FOXN2: variants seen among roughly 807,000 people sequenced by gnomAD.
The protein encoded by FOXN2 is forkhead box protein N2.
FOXN2 carries 19 observed loss-of-function variants against 41.2 expected under a neutral mutation model. The observed-to-expected ratio is 0.46, with a 90% confidence interval of 0.32 to 0.68. FOXN2 has a LOEUF of 0.68. Ranked by LOEUF, FOXN2 falls within the 30% of genes least tolerant of loss-of-function variation. FOXN2 has a pLI of 0.03. For synonymous variants in FOXN2, 195 were observed against 176.8 expected, an observed-to-expected ratio of 1.10 and a Z score of -0.82; for missense variants, 587 against 509.4, an observed-to-expected ratio of 1.15 and a Z score of -1.47.
chr2:48,345,299 A>G (rs1671022608), intron 2 of FOXN2, among the ~76,000 whole-genome samples: 1 of 152,172 alleles, frequency 6.6e-6, no homozygotes, highest in Non-Finnish European at 1.5e-5. Flanking sequence ...TTACGGAAGT[A>G]TAGAGTAGAA....
chr2:48,356,726 A>C (rs1256595083), intron 3 of FOXN2, among the ~76,000 whole-genome samples: 2 of 152,210 alleles, frequency 1.3e-5, no homozygotes, highest in Non-Finnish European at 2.9e-5. Flanking sequence ...GTTCATAAAA[A>C]CATTTTAGGA....
Position 48,346,638 on chromosome 2 carries a change from A to C in FOXN2, c.424A>C (p.Ile142Leu). The change falls in exon 3 of 7, where the codon ATT becomes CTT. Residue 142 changes from isoleucine (I) to leucine (L), a missense_variant. Ile to Leu is a conservative substitution (Grantham distance 5). Coordinates refer to ENST00000340553, the MANE Select transcript of FOXN2 (RefSeq NM_002158.4). ...GCCTGTCAAAGAAATTTATAGCTGG[A>C]TTCTGGACCATTTTCCATATTTTGC... ...CLPVKEIYSW[I>L]LDHFPYFATA... The C allele has an allele frequency of 6.2e-7, 1 of 1,614,164 alleles. No individual in the cohort carries two copies. The highest frequency in any genetic ancestry group is 8.5e-7 in the Non-Finnish European group (1 of 1,180,008).
chr2:48,320,419 T>G (rs1374642841), intron 1 of FOXN2, among the ~76,000 whole-genome samples: 1 of 151,998 alleles, frequency 6.6e-6, no homozygotes, highest in Non-Finnish European at 1.5e-5. Flanking sequence ...GCCTCCCGAA[T>G]AGCTAGGACT....
chr2:48,369,909 A>T (rs1672777660), intron 5 of FOXN2, among the ~76,000 whole-genome samples: 2 of 152,068 alleles, frequency 1.3e-5, no homozygotes, highest in Non-Finnish European at 2.9e-5. Context: ...CTAAGGTTGA[A>T]GGATCGTTTG....
At chr2:48,353,509 G>C (rs895832618) in intron 3 of FOXN2, among the ~76,000 whole-genome samples, 5 of 150,810 alleles carry the variant, frequency 3.3e-5, no homozygotes, top group African/African-American at 1.2e-4. Context: ...GAAGATATGA[G>C]AGCTCTCTGA....
chr2:48,375,099 T>C lies in FOXN2; in HGVS notation c.952T>C (p.Ser318Pro). ...SMAAQRCASR[S>P]SVSSLSSVDE... ...GGCAGCACAGCGTTGTGCATCCAGG[T>C]CTAGCGTGTCTTCCCTGTCTTCTGT... The change falls in exon 7 of 7, where the codon TCT (serine) becomes CCT (proline). Residue 318 changes from serine (S) to proline (P), a missense_variant. By Grantham distance (74) the Ser-to-Pro change is moderately conservative. Transcript: ENST00000340553. The C allele has an allele frequency of 6.2e-7, 1 of 1,614,076 alleles. No individual in the cohort carries two copies. Among genetic ancestry groups the C allele is most frequent in the South Asian group, 1.1e-5 (1 of 91,084 alleles).
At chr2:48,361,346 A>G (rs1212644617) in intron 4 of FOXN2, among the ~76,000 whole-genome samples, 2 of 151,518 alleles carry the variant, frequency 1.3e-5, no homozygotes, top group East Asian at 3.9e-4. Flanking sequence ...CGCGCCTGTA[A>G]CCCCAGCTAC....
At chr2:48,372,511 A>C (rs1672964867) in intron 5 of FOXN2, among the ~76,000 whole-genome samples, 1 of 152,154 alleles carries the variant, frequency 6.6e-6, no homozygotes, top group Non-Finnish European at 1.5e-5. Flanking sequence ...TCTAATTATT[A>C]ATGGTGTAAT....
rs1668768713 is a variant in FOXN2 at position 48,314,779 on chromosome 2, C to T, written c.-192C>T. 1 of 152,218 alleles carries T rather than the reference C, an allele frequency of 6.6e-6. No individual in the cohort carries two copies. The highest frequency in any genetic ancestry group is 6.5e-5 in the Admixed American group (1 of 15,278). The allele number at this position is 152,218 out of a possible 1,614,324, so 9.4% of individuals were successfully genotyped here. On this transcript the variant is annotated 5_prime_UTR_variant, in exon 1 of 7. Coordinates refer to ENST00000340553, the MANE Select transcript of FOXN2 (RefSeq NM_002158.4). ...GCGGTGCTCTGCCATATTGTGTCTT[C>T]CCCGGCCGGTCCCTCGCCTCCCGGC...
intron 3 of FOXN2, among the ~76,000 whole-genome samples, chr2:48,353,938 T>G (rs1671627583): frequency 6.6e-6 from 1 of 152,208 alleles, no homozygotes; most frequent in Non-Finnish European, 1.5e-5. Flanking sequence ...TTGTTTGCTA[T>G]TGTTTATGCA....
intron 2 of FOXN2, among the ~76,000 whole-genome samples, chr2:48,344,852 C>G (rs1263715734): frequency 1.5e-5 from 2 of 134,600 alleles, no homozygotes; most frequent in African/African-American, 2.8e-5. Flanking sequence ...CCCCCCCCCC[C>G]AATTATTTCA....
intron 6 of FOXN2, 130 bp from the exon 7 acceptor site, chr2:48,374,790 A>C (rs552113382): frequency 1.0e-4 from 83 of 791,874 alleles, no homozygotes; most frequent in African/African-American, 7.1e-4. Flanking sequence ...GGGTAAAAAA[A>C]AATAAAAAAT....
At chr2:48,337,598 G>T (rs1011494608) in intron 2 of FOXN2, among the ~76,000 whole-genome samples, 4 of 152,094 alleles carry the variant, frequency 2.6e-5, no homozygotes, top group South Asian at 2.1e-4. Context: ...GAGCCACCAC[G>T]CCTGGCCTGA....
intron 6 of FOXN2, among the ~76,000 whole-genome samples, chr2:48,373,961 G>T (rs1218425202): frequency 2.0e-5 from 3 of 151,752 alleles, no homozygotes; most frequent in African/African-American, 7.3e-5. Context: ...AGGCTGAGGT[G>T]GGAGAATTGC....
intron 2 of FOXN2, among the ~76,000 whole-genome samples, chr2:48,336,105 A>G (rs1247250105): frequency 1.3e-5 from 2 of 149,496 alleles, no homozygotes; most frequent in African/African-American, 2.5e-5. Context: ...GCTAGCATTT[A>G]AAGGACTTTT....
chr2:48,370,380 A>G (rs1432924745), intron 5 of FOXN2, among the ~76,000 whole-genome samples: 1 of 152,296 alleles, frequency 6.6e-6, no homozygotes, highest in East Asian at 1.9e-4. Flanking sequence ...TGTGGGCATC[A>G]TTGATTCAAA....
chr2:48,351,487 C>G (rs796301883), intron 3 of FOXN2, among the ~76,000 whole-genome samples: 1 of 152,106 alleles, frequency 6.6e-6, no homozygotes, highest in South Asian at 2.1e-4. Flanking sequence ...ACAGTGGTCC[C>G]CAAACTTTTG....
In FOXN2 at chr2:48,375,659, A is replaced by T; in HGVS notation, c.*216A>T. 2 of 426,340 alleles carry T rather than the reference A, an allele frequency of 4.7e-6. No homozygotes were observed. Among genetic ancestry groups the T allele is most frequent in the East Asian group, 7.1e-5 (2 of 28,138 alleles). 26.4% of individuals were successfully genotyped at this position (426,340 alleles called of 1,614,324 possible). A position where few individuals can be genotyped will look rare whatever the true frequency, so the allele number is the denominator to read the frequency against. ...CATGATGTGAAGTCCTAAAAGCATA[A>T]TTTTTGTGATAAATGTGTCCAAGAT... On this transcript the variant is annotated 3_prime_UTR_variant, in exon 7 of 7. Coordinates refer to ENST00000340553, the MANE Select transcript of FOXN2 (RefSeq NM_002158.4).
chr2:48,350,699 T>G (rs1671391787), intron 3 of FOXN2, among the ~76,000 whole-genome samples: 1 of 152,200 alleles, frequency 6.6e-6, no homozygotes, highest in African/African-American at 2.4e-5. Context: ...TCTCTCAGGC[T>G]TCCTGGCCTG....
Sources: gnomAD v4.1 joint callset for allele counts (sites outside exome capture counted in the v4.1 genomes callset) on GRCh38, gnomAD v4.1.1 for gene constraint, MANE v1.5 for transcripts, NCBI Gene and HGNC (gene_info 2026-07-23, HGNC 2026-07-21) for gene names.